SMAD3: variants seen among roughly 807,000 people sequenced by gnomAD.
SMAD3 encodes MAD homolog 3.
In SMAD3, 12 loss-of-function variants were observed where a neutral mutation model predicts 51.8. The observed-to-expected ratio is 0.23, with a 90% CI of 0.15 to 0.38. The LOEUF is 0.38. SMAD3 is among the 10% of genes least tolerant of loss of function. The pLI is 1.00. For missense variants in SMAD3, 294 were observed against 565.6 expected, an observed-to-expected ratio of 0.52 and a Z score of 4.87; for synonymous variants, 238 against 227.7, an observed-to-expected ratio of 1.05 and a Z score of -0.41.
intron 1 of SMAD3, among the ~76,000 whole-genome samples, chr15:67,111,338 C>T (rs564431686): frequency 6.6e-6 from 1 of 152,268 alleles, no homozygotes; most frequent in Admixed American, 6.5e-5. Context: ...CTTTTTATGG[C>T]CAAATAGTAT....
chr15:67,138,180 G>A, intron 1 of SMAD3: 1 of 1,102,546 alleles, frequency 9.1e-7, no homozygotes, highest in Non-Finnish European at 1.4e-6. Flanking sequence ...GCTGGCCAGA[G>A]ATCTGTCAGA....
rs1963421630 is a variant in SMAD3 at position 67,193,593 on chromosome 15, C to T, written c.*3057C>T. 2 of 88,682 alleles carry T rather than the reference C, an allele frequency of 2.3e-5. No homozygotes were observed. Among genetic ancestry groups the T allele is most frequent in the Non-Finnish European group, 4.1e-5 (2 of 49,260 alleles). The allele number at this position is 88,682 out of a possible 1,614,324, so 5.5% of individuals were successfully genotyped here. ...GTAGACCTGACATTTTGAGACAAGCCTAGAGGAGTCAGGAGCAGGGACTTT... is the reference window on the plus strand; with the variant it reads ...GTAGACCTGACATTTTGAGACAAGCTTAGAGGAGTCAGGAGCAGGGACTTT... On this transcript the variant is annotated 3_prime_UTR_variant, in exon 9 of 9. Coordinates refer to ENST00000327367, the MANE Select transcript of SMAD3 (RefSeq NM_005902.4).
At chr15:67,186,897 G>T in intron 7 of SMAD3, 3 of 360,356 alleles carry the variant, frequency 8.3e-6, no homozygotes, top group South Asian at 6.2e-5. Context: ...CCCGTCTCTG[G>T]GGGCACTGCC....
intron 1 of SMAD3, among the ~76,000 whole-genome samples, chr15:67,141,021 A>T (rs961014094): frequency 1.3e-5 from 2 of 152,212 alleles, no homozygotes; most frequent in African/African-American, 2.4e-5. Flanking sequence ...TAAAAATTTT[A>T]AAAACGCTCT....
At chr15:67,069,186 T>G (rs1959996356) in intron 1 of SMAD3, among the ~76,000 whole-genome samples, 1 of 152,206 alleles carries the variant, frequency 6.6e-6, no homozygotes, top group Admixed American at 6.5e-5. Flanking sequence ...GTTTCAATTA[T>G]CAGGGGAGCT....
At chr15:67,151,052 T>G (rs982155484) in intron 1 of SMAD3, among the ~76,000 whole-genome samples, 7 of 151,436 alleles carry the variant, frequency 4.6e-5, no homozygotes, top group Non-Finnish European at 8.8e-5. Context: ...GAGACGGGGT[T>G]TCACCATGTT....
At chr15:67,126,789 TG>T (rs953669958) in intron 1 of SMAD3, among the ~76,000 whole-genome samples, 17 of 152,308 alleles carry the variant, frequency 1.1e-4, no homozygotes, top group African/African-American at 4.1e-4. Flanking sequence ...CAGTAGAGTC[TG>T]GCAGGTCTGG....
At chr15:67,155,264 C>G (rs1050304007) in intron 1 of SMAD3, among the ~76,000 whole-genome samples, 2 of 152,170 alleles carry the variant, frequency 1.3e-5, no homozygotes, top group Admixed American at 6.5e-5. Context: ...GGACTGGGCT[C>G]ATAACTCCCT....
chr15:67,127,478 C>A (rs1362685467), intron 1 of SMAD3, among the ~76,000 whole-genome samples: 3 of 152,226 alleles, frequency 2.0e-5, no homozygotes, highest in Non-Finnish European at 1.5e-5. Context: ...CCGCACCCTG[C>A]AGACGGCCCT....
In SMAD3 at chr15:67,191,283, G is replaced by C. The variant is rs1963358720; in HGVS notation, c.*747G>C. ...AGTTGGAAGGATCTGCTGAGGCCCA[G>C]TGCATATGCAATGTATAGTGTCTAT... On this transcript the variant is annotated 3_prime_UTR_variant, in exon 9 of 9. Transcript: ENST00000327367. The C allele has an allele frequency of 4.3e-6, 1 of 233,490 alleles. No individual in the cohort carries two copies. The allele number at this position is 233,490 out of a possible 1,614,324, so 14.5% of individuals were successfully genotyped here. A position where few individuals can be genotyped will look rare whatever the true frequency, so the allele number is the denominator to read the frequency against.
chr15:67,155,694 G>C (rs1595934869), intron 1 of SMAD3, among the ~76,000 whole-genome samples: 1 of 152,134 alleles, frequency 6.6e-6, no homozygotes, highest in South Asian at 2.1e-4. Context: ...CAAAATTTAA[G>C]TAAAGATTTT....
chr15:67,168,379 G>C (rs1962649299), intron 4 of SMAD3, among the ~76,000 whole-genome samples: 5 of 152,222 alleles, frequency 3.3e-5, no homozygotes. Flanking sequence ...GTGACTAGTA[G>C]CGCGAACCAG....
intron 1 of SMAD3, among the ~76,000 whole-genome samples, chr15:67,091,640 C>T (rs932856305): frequency 6.6e-6 from 1 of 152,146 alleles, no homozygotes; most frequent in African/African-American, 2.4e-5. Flanking sequence ...TTAAATTGTA[C>T]ATTTGGTGTC....
At chr15:67,164,856 C>T (rs2140293549) in intron 1 of SMAD3, 39 bp from the exon 2 acceptor site, 1 of 1,604,924 alleles carries the variant, frequency 6.2e-7, no homozygotes, top group East Asian at 2.2e-5. Context: ...AAGCACAATC[C>T]ACATTTCCCT....
chr15:67,127,571 C>T (rs1961421351), intron 1 of SMAD3, among the ~76,000 whole-genome samples: 1 of 152,240 alleles, frequency 6.6e-6, no homozygotes, highest in African/African-American at 2.4e-5. Flanking sequence ...CATATTAATA[C>T]TCACCTGGCA....
At chr15:67,069,762 A>G (rs1166187395) in intron 1 of SMAD3, among the ~76,000 whole-genome samples, 1 of 151,972 alleles carries the variant, frequency 6.6e-6, no homozygotes, top group Non-Finnish European at 1.5e-5. Flanking sequence ...GCTGGAGCGC[A>G]GTGGCATGAT....
At chr15:67,141,657 A>G (rs551256368) in intron 1 of SMAD3, among the ~76,000 whole-genome samples, 3 of 152,158 alleles carry the variant, frequency 2.0e-5, no homozygotes, top group Non-Finnish European at 2.9e-5. Context: ...AGCTCCATAC[A>G]TGGCAGAACT....
intron 1 of SMAD3, among the ~76,000 whole-genome samples, chr15:67,079,667 C>G (rs1167758407): frequency 6.6e-6 from 1 of 152,126 alleles, no homozygotes; most frequent in Non-Finnish European, 1.5e-5. Flanking sequence ...TATTTACTTA[C>G]CTACAGTACT....
intron 1 of SMAD3, among the ~76,000 whole-genome samples, chr15:67,078,983 A>T (rs542405293): frequency 3.3e-4 from 48 of 147,310 alleles, no homozygotes; most frequent in East Asian, 5.9e-4. Context: ...ACATATTATT[A>T]TTTTTTTTTT....
Sources: allele counts gnomAD v4.1 joint callset (sites outside exome capture counted in the v4.1 genomes callset), GRCh38; gene constraint gnomAD v4.1.1; transcripts MANE v1.5; gene names NCBI Gene and HGNC (gene_info 2026-07-23, HGNC 2026-07-21).